SETD3: variants seen among roughly 807,000 people sequenced by gnomAD.
SETD3 encodes SET domain containing 3, actin N3(tau)-histidine methyltransferase.
In SETD3, 19 loss-of-function variants were observed where a neutral mutation model predicts 63.0. The observed-to-expected ratio is 0.30, with a 90% CI of 0.21 to 0.44. The LOEUF (loss-of-function observed/expected upper bound fraction) is 0.44, where lower values mean the gene tolerates loss of function less well. Ranked by LOEUF, SETD3 falls within the 20% of genes least tolerant of loss-of-function variation. The probability of loss-of-function intolerance (pLI) is 1.00; values close to 1 mark genes in which losing one functional copy is unlikely to be tolerated. For synonymous variants in SETD3, 286 were observed against 264.1 expected (o/e 1.08, Z -0.80); for missense variants, 587 against 728.5 (o/e 0.81, Z 2.24).
At chr14:99,444,889 C>A (rs1894044798) in intron 6 of SETD3, among the ~76,000 whole-genome samples, 1 of 150,852 alleles carries the variant, frequency 6.6e-6, no homozygotes, top group African/African-American at 2.4e-5. Flanking sequence ...TATAATATGT[C>A]AATTAAAGAA....
intron 11 of SETD3, among the ~76,000 whole-genome samples, chr14:99,402,475 T>A (rs1468928328): frequency 6.6e-6 from 1 of 152,184 alleles, no homozygotes; most frequent in Non-Finnish European, 1.5e-5. Flanking sequence ...CAGGCTAGGG[T>A]GCAGTAGCAA....
intron 6 of SETD3, among the ~76,000 whole-genome samples, chr14:99,449,972 A>G (rs1894365060): frequency 6.6e-6 from 1 of 152,228 alleles, no homozygotes; most frequent in Non-Finnish European, 1.5e-5. Context: ...ACTTAAGATA[A>G]ACCAACAGAA....
intron 8 of SETD3, chr14:99,411,252 G>A (rs1237043423): frequency 1.3e-5 from 2 of 152,122 alleles, no homozygotes; most frequent in Non-Finnish European, 2.9e-5. Context: ...AAAGTATGTA[G>A]TCGTATTAGG....
intron 8 of SETD3, chr14:99,412,004 A>G (rs991373512): frequency 6.6e-6 from 1 of 152,228 alleles, no homozygotes. Flanking sequence ...CAGGGAATTC[A>G]ATGTGAAATA....
chr14:99,400,167 C>T lies in SETD3; in HGVS notation c.1270G>A (p.Val424Ile). ...SEFPVSWDNE[V>I]KLWTFLEDRA... Reference sequence around the variant, plus strand: ...TCTTCAAGAAATGTCCAAAGTTTGACCTCGTTGTCCCAGCTAACAGGAAAT... The same window carrying T: ...TCTTCAAGAAATGTCCAAAGTTTGATCTCGTTGTCCCAGCTAACAGGAAAT... The change falls in exon 12 of 13, where the codon GTC (valine) becomes ATC (isoleucine). Residue 424 changes from valine to isoleucine, a missense_variant. Physicochemically the swap from Val to Ile is conservative, Grantham distance 29 (BLOSUM62 3). Transcript: ENST00000331768. The T allele has an allele frequency of 6.2e-7, 1 of 1,614,130 alleles. No homozygotes were observed. Among genetic ancestry groups the T allele is most frequent in the Non-Finnish European group, 8.5e-7 (1 of 1,180,000 alleles).
At chr14:99,461,104 ACACGTCTACCT>A (rs1895038792) in intron 4 of SETD3, 77 bp downstream of exon 4, 9 of 1,468,126 alleles carry the variant, frequency 6.1e-6, no homozygotes. Flanking sequence ...CTCCCCCACC[ACACGTCTACCT>A]CTTCACCCTG....
chr14:99,434,045 T>G (rs1893332138), intron 6 of SETD3, among the ~76,000 whole-genome samples: 1 of 152,168 alleles, frequency 6.6e-6, no homozygotes, highest in South Asian at 2.1e-4. Context: ...CCAATGATTC[T>G]TCTCCCAAGA....
rs190678061 is a variant in SETD3, at chr14:99,451,060, A to G, written c.675+7219T>C. On this transcript the variant is annotated intron_variant, in intron 6 of 12. Coordinates refer to ENST00000331768, the MANE Select transcript of SETD3 (RefSeq NM_032233.3). The stretch of plus-strand genomic sequence containing the variant: ...GGCATAGATGAAAAACATCTGAGCT[A>G]ATCATTCAACTATGTTAAGGTAAGT... Among the ~76,000 whole-genome samples the G allele has an allele frequency of 2.7e-4, 41 of 152,284 alleles. 1 individual carries two copies. Among genetic ancestry groups the G allele is most frequent in the African/African-American group, 9.6e-4 (40 of 41,566 alleles).
chr14:99,450,272 TG>T (rs1894385758), intron 6 of SETD3, among the ~76,000 whole-genome samples: 1 of 152,232 alleles, frequency 6.6e-6, no homozygotes, highest in African/African-American at 2.4e-5. Flanking sequence ...GAAGGCCTCA[TG>T]TATTATCAGA....
At chr14:99,432,434 T>C (rs533653197) in intron 6 of SETD3, among the ~76,000 whole-genome samples, 1 of 152,334 alleles carries the variant, frequency 6.6e-6, no homozygotes, top group East Asian at 1.9e-4. Context: ...AAAAAATCTC[T>C]GGTTTCTGCA....
chr14:99,475,214 G>A (rs913719789), intron 1 of SETD3, among the ~76,000 whole-genome samples: 1 of 152,206 alleles, frequency 6.6e-6, no homozygotes, highest in South Asian at 2.1e-4. Flanking sequence ...AAACCAAGGA[G>A]CAACAGGATT....
intron 6 of SETD3, among the ~76,000 whole-genome samples, chr14:99,440,240 T>C (rs1278801496): frequency 1.3e-5 from 2 of 152,218 alleles, no homozygotes; most frequent in African/African-American, 4.8e-5. Flanking sequence ...ATTACTAATT[T>C]TTAGAACTCA....
chr14:99,475,471 T>C (rs1595284229), intron 1 of SETD3, among the ~76,000 whole-genome samples: 1 of 152,354 alleles, frequency 6.6e-6, no homozygotes, highest in South Asian at 2.1e-4. Flanking sequence ...GAGCTGCACG[T>C]TCACTTCCAA....
intron 6 of SETD3, among the ~76,000 whole-genome samples, chr14:99,450,464 T>G (rs1346523499): frequency 6.6e-6 from 1 of 152,222 alleles, no homozygotes; most frequent in Non-Finnish European, 1.5e-5. Context: ...CTCTGCCTCT[T>G]GGCGGGCCCT....
At chr14:99,460,431 C>T (rs1354029861) in intron 4 of SETD3, among the ~76,000 whole-genome samples, 1 of 152,054 alleles carries the variant, frequency 6.6e-6, no homozygotes, top group Non-Finnish European at 1.5e-5. Context: ...TAGTTACAGG[C>T]AGAGCTGGAT....
At chr14:99,428,069 T>C (rs1266968578) in intron 6 of SETD3, among the ~76,000 whole-genome samples, 1 of 152,134 alleles carries the variant, frequency 6.6e-6, no homozygotes, top group Admixed American at 6.5e-5. Context: ...GATGAAAAGG[T>C]GCAATGCCAG....
chr14:99,481,547 T>C, upstream of SETD3: 1 of 398,480 alleles, frequency 2.5e-6, no homozygotes. Context: ...GAGTAGGTTA[T>C]GGCCAACCGC....
chr14:99,413,236 T>C, intron 7 of SETD3, 171 bp from the exon 8 acceptor site: 2 of 578,302 alleles, frequency 3.5e-6, no homozygotes, highest in Middle Eastern at 3.9e-4. Flanking sequence ...AACCCAGGGT[T>C]TGAAAGAGCC....
At chr14:99,479,991 G>A (rs1346538809) in intron 1 of SETD3, among the ~76,000 whole-genome samples, 1 of 151,962 alleles carries the variant, frequency 6.6e-6, no homozygotes, top group Non-Finnish European at 1.5e-5. Context: ...CCGGGCTGGA[G>A]CCACGAGGAG....
Sources: allele counts gnomAD v4.1 joint callset (sites outside exome capture counted in the v4.1 genomes callset), GRCh38; gene constraint gnomAD v4.1.1; transcripts MANE v1.5; gene names NCBI Gene and HGNC (gene_info 2026-07-23, HGNC 2026-07-21).